The following THEM4 variants were observed in gnomAD, a reference collection of about 807,000 sequenced individuals.
The protein encoded by THEM4 is thioesterase superfamily member 4.
A neutral mutation model predicts 25.0 loss-of-function variants in THEM4; 22 were observed. The ratio of observed to expected loss-of-function variants is 0.88; its 90% CI spans 0.63 to 1.26. THEM4 has a LOEUF of 1.26. Ranked by LOEUF, THEM4 falls within the 50% of genes most tolerant of loss-of-function variation. THEM4 has a pLI of 0.00. For synonymous variants in THEM4, 113 were observed against 105.6 expected, an observed-to-expected ratio of 1.07 and a Z score of -0.43; for missense variants, 286 against 300.3, an observed-to-expected ratio of 0.95 and a Z score of 0.35.
intron 2 of THEM4, among the ~76,000 whole-genome samples, chr1:151,891,810 G>T (rs1053650366): frequency 1.4e-4 from 21 of 151,520 alleles, no homozygotes; most frequent in African/African-American, 5.1e-4. Context: ...AGTTGCTGAG[G>T]ATGCTGAATG....
intron 1 of THEM4, among the ~76,000 whole-genome samples, chr1:151,895,753 C>T (rs555619551): frequency 3.7e-4 from 56 of 151,234 alleles, no homozygotes; most frequent in Middle Eastern, 3.5e-3. Flanking sequence ...GAAATGTAAT[C>T]CCCAAAGTTG....
At position 151,909,447 on chromosome 1, in the gene THEM4, G is replaced by C. The variant is rs1654553948; in HGVS notation, c.12C>G (p.Ser4Arg). ...CCAGCGTGCGGAGGCGCGCGGCGCA[G>C]CTCCTCAGCATGGCTCCGGGCCGCG... MLR[S>R]CAARLRTLGA... The change falls in exon 1 of 6, where the codon AGC (serine) becomes AGG (arginine). Residue 4 changes from serine to arginine, a missense_variant. Transcript: ENST00000368814. 6.9e-7 allele frequency: 1 copy of C among 1,446,164 alleles called. No individual in the cohort carries two copies. Among genetic ancestry groups the C allele is most frequent in the African/African-American group, 1.5e-5 (1 of 67,154 alleles). The allele number at this position is 1,446,164 out of a possible 1,614,324, so 89.6% of individuals were successfully genotyped here.
At chr1:151,880,324 A>C (rs1172594322) in intron 4 of THEM4, among the ~76,000 whole-genome samples, 1 of 152,024 alleles carries the variant, frequency 6.6e-6, no homozygotes, top group Non-Finnish European at 1.5e-5. Flanking sequence ...AAAAATAGAA[A>C]AAAATTAGCC....
At chr1:151,895,991 T>C (rs1459237924) in intron 1 of THEM4, among the ~76,000 whole-genome samples, 1 of 144,586 alleles carries the variant, frequency 6.9e-6, no homozygotes, top group African/African-American at 2.5e-5. Flanking sequence ...TTGCTTCCTT[T>C]TTTTTTTTTT....
chr1:151,894,973 C>T (rs1654185753), intron 2 of THEM4, 35 bp downstream of exon 2: 1 of 1,587,926 alleles, frequency 6.3e-7, no homozygotes, highest in African/African-American at 1.3e-5. Flanking sequence ...ATATTTGATG[C>T]TCAGATATAT....
intron 1 of THEM4, among the ~76,000 whole-genome samples, chr1:151,907,598 C>CT (rs1654500057): frequency 6.6e-6 from 1 of 152,174 alleles, no homozygotes; most frequent in Non-Finnish European, 1.5e-5. Flanking sequence ...TGAGTGCACT[C>CT]AATAAAGTTC....
At chr1:151,880,616 T>A (rs1018973106) in intron 4 of THEM4, among the ~76,000 whole-genome samples, 1 of 152,240 alleles carries the variant, frequency 6.6e-6, no homozygotes, top group Non-Finnish European at 1.5e-5. Context: ...TTACCTACTA[T>A]TGAACTGAAT....
At position 151,873,240 on chromosome 1, in the gene THEM4, T is replaced by C. The variant is rs932290303; in HGVS notation, c.*1648A>G. The stretch of plus-strand genomic sequence containing the variant: ...AACACAGATTCCTTTGCTCACAGAT[T>C]TTCCTGCTGACCTTCTCCCCACTAT... On this transcript the variant is annotated 3_prime_UTR_variant, in exon 6 of 6. Coordinates refer to ENST00000368814, the MANE Select transcript of THEM4 (RefSeq NM_053055.5). 2.6e-5 allele frequency among the ~76,000 whole-genome samples: 4 copies of C among 152,150 alleles called. No homozygotes were observed. Among genetic ancestry groups the C allele is most frequent in the African/African-American group, 9.7e-5 (4 of 41,440 alleles).
chr1:151,902,268 G>A (rs1436039584), intron 1 of THEM4, among the ~76,000 whole-genome samples: 1 of 152,224 alleles, frequency 6.6e-6, no homozygotes, highest in African/African-American at 2.4e-5. Context: ...CATGTTTATA[G>A]CAGCATCATC....
In THEM4 at chr1:151,895,070, C is replaced by T. The variant is rs774051084; in HGVS notation, c.224G>A (p.Arg75His). Residue 75 changes from arginine (R) to histidine (H), a missense_variant, in exon 2 of 6, where the codon CGT (arginine) becomes CAT (histidine). Physicochemically the swap from Arg to His is conservative, Grantham distance 29. Transcript: ENST00000368814. Reference sequence around the variant, plus strand: ...AGGTGTACGTTTATATGAAGGCAAACGTTTCCAGGAGCCGTCTTCACATTT... The same window carrying T: ...AGGTGTACGTTTATATGAAGGCAAATGTTTCCAGGAGCCGTCTTCACATTT... ...MKKCEDGSWK[R>H]LPSYKRTPTE... is the part of the protein sequence containing the mutation. 41 of 1,613,918 alleles carry T rather than the reference C, an allele frequency of 2.5e-5. No homozygotes were observed. The Middle Eastern group carries it at 4.9e-4, about 19-fold the overall frequency.
At chr1:151,902,577 A>G (rs1372884891) in intron 1 of THEM4, among the ~76,000 whole-genome samples, 3 of 152,220 alleles carry the variant, frequency 2.0e-5, no homozygotes, top group Non-Finnish European at 2.9e-5. Flanking sequence ...GTGCACCAAT[A>G]TCTCACAAAT....
intron 2 of THEM4, among the ~76,000 whole-genome samples, chr1:151,894,298 T>C (rs1029286159): frequency 5.9e-5 from 9 of 152,212 alleles, no homozygotes; most frequent in African/African-American, 2.2e-4. Context: ...TATCTGTCAT[T>C]ACACAGTTGT....
At chr1:151,889,678 G>A (rs904025968) in intron 2 of THEM4, 7 of 218,322 alleles carry the variant, frequency 3.2e-5, no homozygotes, top group Admixed American at 5.4e-5. Flanking sequence ...AAAATGGTAC[G>A]GTAAAGACGG....
chr1:151,878,928 A>ACACACACACACACACACT (rs1653748767), intron 4 of THEM4, among the ~76,000 whole-genome samples: 1 of 151,436 alleles, frequency 6.6e-6, no homozygotes, highest in Non-Finnish European at 1.5e-5. Context: ...ACACACACAC[A>ACACACACACACACACACT]CTGGAAAGGC....
chr1:151,896,118 G>C (rs1572080662), intron 1 of THEM4, among the ~76,000 whole-genome samples: 1 of 150,490 alleles, frequency 6.6e-6, no homozygotes, highest in Non-Finnish European at 1.5e-5. Flanking sequence ...TCAGCCTTCT[G>C]AGTAGCTGGA....
At chr1:151,894,482 ACT>A (rs1285685278) in intron 2 of THEM4, among the ~76,000 whole-genome samples, 2 of 152,140 alleles carry the variant, frequency 1.3e-5, no homozygotes, top group Non-Finnish European at 2.9e-5. Context: ...GTATATGGGA[ACT>A]CTCTGTACTT....
Position 151,871,280 on chromosome 1 carries a change from G to T in THEM4, c.*3608C>A, listed in dbSNP as rs947145254. On this transcript the variant is annotated 3_prime_UTR_variant, in exon 6 of 6. Transcript: ENST00000368814. ...GTGGAGGTTGCATTGAGCTGAGATT[G>T]TGTCTCTGCATTCCAGCCCAGGCGA... 2.8e-5 allele frequency among the ~76,000 whole-genome samples: 4 copies of T among 142,740 alleles called. No homozygotes were observed. Among genetic ancestry groups the T allele is most frequent in the African/African-American group, 1.0e-4 (4 of 38,334 alleles). 93.6% of individuals were successfully genotyped at this position (142,740 alleles called of 152,430 possible).
chr1:151,879,277 G>A (rs1199434265), intron 4 of THEM4, among the ~76,000 whole-genome samples: 1 of 152,014 alleles, frequency 6.6e-6, no homozygotes, highest in Non-Finnish European at 1.5e-5. Flanking sequence ...ACTTCATGGG[G>A]TTACCCTCAC....
chr1:151,898,887 G>C (rs1026600790), intron 1 of THEM4, among the ~76,000 whole-genome samples: 1 of 152,246 alleles, frequency 6.6e-6, no homozygotes, highest in Non-Finnish European at 1.5e-5. Flanking sequence ...AAAAGGGGGA[G>C]AGTACTACAT....
Sources: allele counts gnomAD v4.1 joint callset (sites outside exome capture counted in the v4.1 genomes callset), GRCh38; gene constraint gnomAD v4.1.1; transcripts MANE v1.5; gene names NCBI Gene and HGNC (gene_info 2026-07-23, HGNC 2026-07-21).